DMD: variants seen among roughly 807,000 people sequenced by gnomAD.
DMD encodes dystrophin.
In DMD, 63 loss-of-function variants were observed where a neutral mutation model predicts 330.1. The observed-to-expected ratio is 0.19, with a 90% CI of 0.16 to 0.24. The LOEUF is 0.24. Ranked by LOEUF, DMD falls within the 10% of genes least tolerant of loss-of-function variation. The pLI is 1.00. For missense variants in DMD, 3,344 were observed against 2,684.1 expected (o/e 1.25, Z -5.43); for synonymous variants, 1,223 against 959.8 (o/e 1.27, Z -5.07).
intron 11 of DMD, chrX:32,641,406 A>G (rs1271281138): frequency 1.3e-5 from 1 of 75,571 alleles, no homozygotes; most frequent in Non-Finnish European, 2.7e-5. Context: ...TGTATTTTAT[A>G]CGTATATATA....
intron 13 of DMD, among the ~76,000 whole-genome samples, chrX:32,594,859 A>G (rs1007044741): frequency 8.9e-6 from 1 of 111,769 alleles, no homozygotes; most frequent in Non-Finnish European, 1.9e-5. Flanking sequence ...AATTCCAGCC[A>G]ATAGTTAAAT....
At chrX:32,414,525 C>T (rs2098158796) in intron 29 of DMD, among the ~76,000 whole-genome samples, 1 of 112,134 alleles carries the variant, frequency 8.9e-6, no homozygotes, top group Admixed American at 9.5e-5. Context: ...AGACTATCAA[C>T]TCTAATGAGT....
chrX:32,677,540 GTT>G (rs1436191085), intron 9 of DMD, among the ~76,000 whole-genome samples: 1 of 111,311 alleles, frequency 9.0e-6, no homozygotes, highest in Non-Finnish European at 1.9e-5. Context: ...CTGGAATTTT[GTT>G]TCTTTCTACC....
intron 4 of DMD, among the ~76,000 whole-genome samples, chrX:32,827,263 C>T (rs2078793781): frequency 9.0e-6 from 1 of 110,568 alleles, no homozygotes; most frequent in African/African-American, 3.3e-5. Flanking sequence ...TTCATGTACT[C>T]AGTATTGATT....
intron 1 of DMD, among the ~76,000 whole-genome samples, chrX:33,335,599 T>C (rs2054240702): frequency 9.0e-6 from 1 of 110,882 alleles, no homozygotes; most frequent in Non-Finnish European, 1.9e-5. Context: ...TTTGGTACCC[T>C]AATAGTTCAA....
At chrX:32,412,613 A>G (rs1430136114) in intron 29 of DMD, among the ~76,000 whole-genome samples, 1 of 111,830 alleles carries the variant, frequency 8.9e-6, no homozygotes, top group African/African-American at 3.2e-5. Context: ...AATAATGTTC[A>G]AGTATAAATA....
At chrX:33,137,318 G>A (rs1335865113) in intron 1 of DMD, among the ~76,000 whole-genome samples, 3 of 111,674 alleles carry the variant, frequency 2.7e-5, no homozygotes, top group African/African-American at 6.5e-5. Flanking sequence ...ATCATCAGAA[G>A]CACTTAAGCA....
chrX:32,681,761 A>G (rs887247435), intron 9 of DMD, among the ~76,000 whole-genome samples: 1 of 112,165 alleles, frequency 8.9e-6, no homozygotes, highest in African/African-American at 3.2e-5. Flanking sequence ...GGGAAAAACG[A>G]CCTGCAAATA....
intron 60 of DMD, among the ~76,000 whole-genome samples, chrX:31,404,193 A>G (rs1292731781): frequency 9.0e-6 from 1 of 111,404 alleles, no homozygotes; most frequent in Non-Finnish European, 1.9e-5. Flanking sequence ...TCGTATGCCC[A>G]AACACCAATG....
chrX:31,637,173 T>C (rs1448671842), intron 54 of DMD, among the ~76,000 whole-genome samples: 3 of 112,167 alleles, frequency 2.7e-5, no homozygotes, highest in African/African-American at 9.7e-5. Flanking sequence ...TCTAAAAGAA[T>C]TGCCCTTCTA....
chrX:31,314,356 G>A (rs922211358), intron 62 of DMD, among the ~76,000 whole-genome samples: 1 of 112,106 alleles, frequency 8.9e-6, no homozygotes, highest in Non-Finnish European at 1.9e-5. Flanking sequence ...ACAACAAAAC[G>A]ATTCCTTCTA....
intron 43 of DMD, among the ~76,000 whole-genome samples, chrX:32,236,761 T>A (rs1317036322): frequency 8.9e-6 from 1 of 112,023 alleles, no homozygotes; most frequent in Non-Finnish European, 1.9e-5. Flanking sequence ...CCCAGTCTCA[T>A]GTATGTCTTT....
intron 1 of DMD, among the ~76,000 whole-genome samples, chrX:33,324,748 T>C (rs141935602): frequency 4.3e-4 from 48 of 111,817 alleles, no homozygotes; most frequent in African/African-American, 1.4e-3. Flanking sequence ...AGATTGTCAA[T>C]GTTTTCCCTT....
chrX:32,745,918 G>A (rs751891854), intron 7 of DMD, among the ~76,000 whole-genome samples: 1 of 112,118 alleles, frequency 8.9e-6, no homozygotes, highest in African/African-American at 3.2e-5. Context: ...GAAAAAGACA[G>A]CGAACAGCTA....
chrX:33,255,683 T>C (rs1417152134), intron 1 of DMD, among the ~76,000 whole-genome samples: 1 of 111,305 alleles, frequency 9.0e-6, no homozygotes, highest in Non-Finnish European at 1.9e-5. Flanking sequence ...GACTAGATGA[T>C]CTCTCAAAAG....
At chrX:31,389,754 T>C (rs180973133) in intron 60 of DMD, among the ~76,000 whole-genome samples, 95 of 112,453 alleles carry the variant, frequency 8.4e-4, no homozygotes, top group Non-Finnish European at 1.5e-3. Context: ...TAGAAATGCA[T>C]TTCTCCAATA....
intron 2 of DMD, among the ~76,000 whole-genome samples, chrX:32,862,797 C>T (rs1002986477): frequency 2.7e-5 from 3 of 111,110 alleles, no homozygotes; most frequent in South Asian, 3.8e-4. Flanking sequence ...AGTGTAGTGG[C>T]GTGATCTTGG....
chrX:33,333,856 T>C (rs1208335116), intron 1 of DMD, among the ~76,000 whole-genome samples: 1 of 111,440 alleles, frequency 9.0e-6, no homozygotes, highest in Non-Finnish European at 1.9e-5. Flanking sequence ...TTTATCTTGA[T>C]CCCTTCTAGA....
chrX:31,353,081 G>C (rs1044055846), intron 60 of DMD, among the ~76,000 whole-genome samples: 1 of 110,742 alleles, frequency 9.0e-6, no homozygotes, highest in Non-Finnish European at 1.9e-5. Flanking sequence ...TGTTAATATT[G>C]AAAGAGATAG....
Sources: gnomAD v4.1 joint callset for allele counts (sites outside exome capture counted in the v4.1 genomes callset) on GRCh38, gnomAD v4.1.1 for gene constraint, MANE v1.5 for transcripts, NCBI Gene and HGNC (gene_info 2026-07-23, HGNC 2026-07-21) for gene names.